Variants in BBS9 observed in about 807,000 individuals in gnomAD.
The protein encoded by BBS9 is protein PTHB1.
BBS9 carries 89 observed loss-of-function variants against 117.7 expected under a neutral mutation model. The ratio of observed to expected loss-of-function variants is 0.76; its 90% CI spans 0.64 to 0.90. BBS9 has a LOEUF of 0.90. Ranked by LOEUF, BBS9 falls within the 40% of genes least tolerant of loss-of-function variation. The pLI, the probability that BBS9 is intolerant of heterozygous loss-of-function variation, is 0.00. For missense variants in BBS9, 982 were observed against 1,042.2 expected, an observed-to-expected ratio of 0.94 and a Z score of 0.80; for synonymous variants, 379 against 370.9, an observed-to-expected ratio of 1.02 and a Z score of -0.25.
intron 19 of BBS9, among the ~76,000 whole-genome samples, chr7:33,461,513 G>A (rs928545179): frequency 6.6e-6 from 1 of 151,390 alleles, no homozygotes; most frequent in African/African-American, 2.4e-5. Flanking sequence ...ATTCATCTCA[G>A]GAGAGTTTGT....
intron 9 of BBS9, among the ~76,000 whole-genome samples, chr7:33,314,026 T>C (rs1809906855): frequency 1.3e-5 from 2 of 152,262 alleles, no homozygotes; most frequent in African/African-American, 4.8e-5. Flanking sequence ...TCCTGAAAGA[T>C]GGTTATGTAA....
chr7:33,170,679 G>A (rs1252814077), intron 4 of BBS9, among the ~76,000 whole-genome samples: 1 of 149,726 alleles, frequency 6.7e-6, no homozygotes, highest in Non-Finnish European at 1.5e-5. Flanking sequence ...GTTTGCGGAT[G>A]ACATGATTGT....
chr7:33,487,946 G>C (rs140213861), intron 19 of BBS9, among the ~76,000 whole-genome samples: 1 of 152,134 alleles, frequency 6.6e-6, no homozygotes, highest in African/African-American at 2.4e-5. Flanking sequence ...AATATCCGAG[G>C]TGTGATAGGC....
intron 21 of BBS9, among the ~76,000 whole-genome samples, chr7:33,552,008 A>G (rs1040049370): frequency 4.6e-5 from 7 of 152,160 alleles, no homozygotes; most frequent in East Asian, 3.8e-4. Context: ...ATATGTTTCA[A>G]TTTTAGAAAA....
intron 21 of BBS9, among the ~76,000 whole-genome samples, chr7:33,601,520 A>AT (rs370928399): frequency 1.7e-4 from 26 of 151,936 alleles, no homozygotes; most frequent in African/African-American, 5.3e-4. Context: ...ACAAATACAT[A>AT]TTTTTTTCCT....
intron 5 of BBS9, among the ~76,000 whole-genome samples, chr7:33,193,224 T>C (rs975287792): frequency 6.6e-6 from 1 of 152,170 alleles, no homozygotes; most frequent in Non-Finnish European, 1.5e-5. Context: ...TAGGGTTTTA[T>C]TTGGGTTCTT....
chr7:33,245,011 GA>G (rs1211212148), intron 5 of BBS9, among the ~76,000 whole-genome samples: 2 of 151,934 alleles, frequency 1.3e-5, no homozygotes, highest in African/African-American at 4.8e-5. Flanking sequence ...GTTTTGTATT[GA>G]AAAGAAAAAG....
chr7:33,299,079 T>C (rs1320619459), intron 9 of BBS9, among the ~76,000 whole-genome samples: 1 of 152,212 alleles, frequency 6.6e-6, no homozygotes, highest in South Asian at 2.1e-4. Flanking sequence ...GCAGACCCTG[T>C]GGGCAGCAGC....
At chr7:33,204,225 T>G (rs10279513) in intron 5 of BBS9, among the ~76,000 whole-genome samples, 124,271 of 149,052 alleles carry the variant, frequency 0.83, 51,811 homozygotes, top group Admixed American at 0.87. Flanking sequence ...GCCAACATGT[T>G]GAAACCCCGT....
In BBS9 at chr7:33,182,902, A is replaced by G. The variant is rs57437529; in HGVS notation, c.442+5311A>G. 5.8e-4 allele frequency among the ~76,000 whole-genome samples: 88 copies of G among 152,264 alleles called. No homozygotes were observed. In the East Asian group the frequency reaches 0.015, roughly 27 times the overall value. ...TTTTATACCAGATCCTGGATCCCAA[A>G]AAAGGGATGGGTAGCAGCCCATTTC... On this transcript the variant is annotated intron_variant, in intron 5 of 22. Coordinates refer to ENST00000242067, the MANE Select transcript of BBS9 (RefSeq NM_198428.3).
intron 21 of BBS9, among the ~76,000 whole-genome samples, chr7:33,632,643 GC>G (rs1347593931): frequency 1.3e-5 from 2 of 152,024 alleles, no homozygotes; most frequent in Non-Finnish European, 2.9e-5. Flanking sequence ...AACGACCACT[GC>G]CCAGCCCCGG....
At chr7:33,579,529 C>A (rs1859515065) in intron 21 of BBS9, among the ~76,000 whole-genome samples, 1 of 152,150 alleles carries the variant, frequency 6.6e-6, no homozygotes. Flanking sequence ...TGTTTTCCAT[C>A]AATTTTCGCC....
At chr7:33,404,457 T>A (rs1452653053) in intron 19 of BBS9, among the ~76,000 whole-genome samples, 1 of 152,120 alleles carries the variant, frequency 6.6e-6, no homozygotes, top group African/African-American at 2.4e-5. Context: ...TTCACGGTAT[T>A]GATTCTTCCT....
chr7:33,454,809 A>G (rs1478845496), intron 19 of BBS9, among the ~76,000 whole-genome samples: 1 of 152,152 alleles, frequency 6.6e-6, no homozygotes, highest in Non-Finnish European at 1.5e-5. Flanking sequence ...AAAAGAACAT[A>G]TTTAGAAGGG....
At chr7:33,412,392 C>A (rs893863787) in intron 19 of BBS9, among the ~76,000 whole-genome samples, 2 of 152,164 alleles carry the variant, frequency 1.3e-5, no homozygotes, top group Non-Finnish European at 2.9e-5. Context: ...GCTCTCTGGT[C>A]CTGTCCCAAG....
intron 5 of BBS9, among the ~76,000 whole-genome samples, chr7:33,238,546 AG>A (rs1793929065): frequency 6.6e-6 from 1 of 152,128 alleles, no homozygotes; most frequent in African/African-American, 2.4e-5. Flanking sequence ...TGCCCGCTTC[AG>A]CCTCCAAAAG....
At chr7:33,230,923 C>T (rs983203521) in intron 5 of BBS9, among the ~76,000 whole-genome samples, 5 of 152,026 alleles carry the variant, frequency 3.3e-5, no homozygotes, top group East Asian at 1.9e-4. Context: ...TATTTTCCTT[C>T]GGGTAGATAC....
chr7:33,189,488 A>G (rs1354641761), intron 5 of BBS9, among the ~76,000 whole-genome samples: 1 of 152,160 alleles, frequency 6.6e-6, no homozygotes, highest in Non-Finnish European at 1.5e-5. Flanking sequence ...TCATGAGATT[A>G]AAAGTCAGAC....
At position 33,390,539 on chromosome 7, in the gene BBS9, T is replaced by C. The variant is rs145905371; in HGVS notation, c.2115+2395T>C. On this transcript the variant is annotated intron_variant, in intron 19 of 22. Transcript: ENST00000242067. ...TACTATAAGGATTTTGACTTAATTT[T>C]TATGTACCTTGCCATTCAATTTTAT... is the stretch of plus-strand genomic sequence containing the variant. 1.5e-4 allele frequency: 145 copies of C among 965,264 alleles called. No homozygotes were observed. The East Asian group carries it at 0.013, about 89-fold the overall frequency. 59.8% of individuals were successfully genotyped at this position (965,264 alleles called of 1,614,324 possible).
Sources: gnomAD v4.1 joint callset for allele counts (sites outside exome capture counted in the v4.1 genomes callset) on GRCh38, gnomAD v4.1.1 for gene constraint, MANE v1.5 for transcripts, NCBI Gene and HGNC (gene_info 2026-07-23, HGNC 2026-07-21) for gene names.